Variants in JAZF1 observed in about 807,000 individuals in gnomAD.
JAZF1 encodes the protein juxtaposed with another zinc finger protein 1.
In JAZF1, 8 loss-of-function variants were observed where a neutral mutation model predicts 26.4. The observed-to-expected ratio is 0.30, with a 90% CI of 0.18 to 0.55. The LOEUF (loss-of-function observed/expected upper bound fraction) is 0.55, where lower values mean the gene tolerates loss of function less well. Ranked by LOEUF, JAZF1 falls within the 20% of genes least tolerant of loss-of-function variation. The pLI is 0.94. For synonymous variants in JAZF1, 126 were observed against 122.3 expected (o/e 1.03, Z -0.20); for missense variants, 199 against 322.0 (o/e 0.62, Z 2.92).
chr7:28,178,572 A>T (rs1783582487), intron 1 of JAZF1, among the ~76,000 whole-genome samples: 1 of 152,146 alleles, frequency 6.6e-6, no homozygotes, highest in Non-Finnish European at 1.5e-5. Context: ...TTTACTTATT[A>T]TTGGGAGTAA....
Position 28,106,557 on chromosome 7 carries a change from A to C in JAZF1, c.115+73906T>G, listed in dbSNP as rs79996758. 9.3e-3 allele frequency among the ~76,000 whole-genome samples: 1,411 copies of C among 152,310 alleles called. 18 individuals carry two copies. The highest frequency in any genetic ancestry group is 0.03 in the African/African-American group (1,266 of 41,552). ...GAAACACAGGATCACCTTCTAACAT[A>C]AACATTATAGGCCTTTCTTGCTATG... On this transcript the variant is annotated intron_variant, in intron 1 of 4. Coordinates refer to ENST00000283928, the MANE Select transcript of JAZF1 (RefSeq NM_175061.4).
intron 2 of JAZF1, among the ~76,000 whole-genome samples, chr7:27,902,202 A>G (rs1345849510): frequency 6.6e-6 from 1 of 152,238 alleles, no homozygotes; most frequent in Non-Finnish European, 1.5e-5. Context: ...TGGGGGTATT[A>G]TGTAATATGA....
intron 1 of JAZF1, among the ~76,000 whole-genome samples, chr7:28,060,317 C>T (rs1403113604): frequency 6.6e-6 from 1 of 152,122 alleles, no homozygotes; most frequent in African/African-American, 2.4e-5. Flanking sequence ...GAAGTCTTTG[C>T]AGGTTGATTC....
rs1345823170 is a variant in JAZF1 at position 27,831,505 on chromosome 7, TAAGG to T, written c.*1291_*1294del. 2 of 229,104 alleles carry T rather than the reference TAAGG, an allele frequency of 8.7e-6. No homozygotes were observed. The highest frequency in any genetic ancestry group is 1.2e-4 in the East Asian group (2 of 16,028). 14.2% of individuals were successfully genotyped at this position (229,104 alleles called of 1,614,324 possible). A position where few individuals can be genotyped will look rare whatever the true frequency, so the allele number is the denominator to read the frequency against. Reference sequence around the variant, plus strand: ...ATGGTACTGTCGGTGAGGAAAAACTTAAGGAATGGTCCAGATGTAGATTACTCTA... The same window carrying T: ...ATGGTACTGTCGGTGAGGAAAAACTTAATGGTCCAGATGTAGATTACTCTA... On this transcript the variant is annotated 3_prime_UTR_variant, in exon 5 of 5. Coordinates refer to ENST00000283928, the MANE Select transcript of JAZF1 (RefSeq NM_175061.4).
chr7:28,061,912 T>C (rs1474990070), intron 1 of JAZF1, among the ~76,000 whole-genome samples: 1 of 152,222 alleles, frequency 6.6e-6, no homozygotes, highest in Non-Finnish European at 1.5e-5. Context: ...TCTTTATTTT[T>C]ATATTTAGGT....
chr7:28,100,579 G>C (rs1412526704), intron 1 of JAZF1, among the ~76,000 whole-genome samples: 1 of 152,144 alleles, frequency 6.6e-6, no homozygotes, highest in Non-Finnish European at 1.5e-5. Context: ...AGTCCTGTAA[G>C]TTAAGGCTCT....
At chr7:27,859,490 A>G (rs1418922306) in intron 3 of JAZF1, among the ~76,000 whole-genome samples, 2 of 152,130 alleles carry the variant, frequency 1.3e-5, no homozygotes, top group South Asian at 2.1e-4. Context: ...TCCATCAATG[A>G]TAGATAAAGA....
chr7:27,940,384 G>C (rs1387164424), intron 2 of JAZF1, among the ~76,000 whole-genome samples: 1 of 152,066 alleles, frequency 6.6e-6, no homozygotes, highest in Non-Finnish European at 1.5e-5. Flanking sequence ...CTGTGACCCA[G>C]ACTCACCTCA....
At chr7:28,096,130 G>C (rs1398217127) in intron 1 of JAZF1, among the ~76,000 whole-genome samples, 1 of 152,236 alleles carries the variant, frequency 6.6e-6, no homozygotes, top group African/African-American at 2.4e-5. Flanking sequence ...CTAAAAGGGA[G>C]AGGGATAAGC....
At chr7:27,865,874 G>A (rs112660713) in intron 3 of JAZF1, among the ~76,000 whole-genome samples, 2,568 of 152,264 alleles carry the variant, frequency 0.017, 79 homozygotes, top group African/African-American at 0.06. Flanking sequence ...TTTAGGACAC[G>A]GGGCACATTC....
At chr7:28,073,244 C>T (rs985480878) in intron 1 of JAZF1, among the ~76,000 whole-genome samples, 29 of 152,230 alleles carry the variant, frequency 1.9e-4, no homozygotes, top group Admixed American at 7.8e-4. Flanking sequence ...CTCGTTGTGC[C>T]GGAGCGTGGC....
At chr7:28,134,645 C>T (rs34824357) in intron 1 of JAZF1, among the ~76,000 whole-genome samples, 63,862 of 130,148 alleles carry the variant, frequency 0.49, 14,395 homozygotes, top group Non-Finnish European at 0.53. Flanking sequence ...CAATATTTGT[C>T]TTTTTGAAGA....
At chr7:28,021,621 C>T (rs976944582) in intron 1 of JAZF1, among the ~76,000 whole-genome samples, 1 of 152,208 alleles carries the variant, frequency 6.6e-6, no homozygotes, top group Admixed American at 6.5e-5. Context: ...CAAACAAAGA[C>T]ATGGTGGTGG....
rs1273723419 is a variant in JAZF1 at position 28,119,589 on chromosome 7, A to C, written c.115+60874T>G. Among the ~76,000 whole-genome samples, 8 of 152,116 alleles carry C rather than the reference A, an allele frequency of 5.3e-5. No homozygotes were observed. The South Asian group carries it at 1.7e-3, about 32-fold the overall frequency. ...TGCCCACTTTATGACATAATCTCTTAATTTGCTTCTTTATTCCTCTATTTA... is the reference window on the plus strand; with the variant it reads ...TGCCCACTTTATGACATAATCTCTTCATTTGCTTCTTTATTCCTCTATTTA... On this transcript the variant is annotated intron_variant, in intron 1 of 4. Coordinates refer to ENST00000283928, the MANE Select transcript of JAZF1 (RefSeq NM_175061.4).
intron 3 of JAZF1, among the ~76,000 whole-genome samples, chr7:27,852,122 A>C (rs1486691589): frequency 6.9e-6 from 1 of 145,402 alleles, no homozygotes. Context: ...CTTGCTCAAT[A>C]AACAGGACTT....
At chr7:28,128,005 C>T (rs1289868177) in intron 1 of JAZF1, among the ~76,000 whole-genome samples, 1 of 151,930 alleles carries the variant, frequency 6.6e-6, no homozygotes, top group Non-Finnish European at 1.5e-5. Context: ...TGGGTGGGGA[C>T]GCAGCCAAAC....
At chr7:28,150,171 A>C (rs529579001) in intron 1 of JAZF1, among the ~76,000 whole-genome samples, 2 of 152,308 alleles carry the variant, frequency 1.3e-5, no homozygotes, top group East Asian at 3.9e-4. Context: ...AGGTCCAGAA[A>C]GCTTCGGGGG....
chr7:28,054,868 C>T (rs773847423), intron 1 of JAZF1, among the ~76,000 whole-genome samples: 1 of 151,942 alleles, frequency 6.6e-6, no homozygotes, highest in Non-Finnish European at 1.5e-5. Flanking sequence ...GTAGGATTTA[C>T]CTCATAGACT....
At chr7:27,935,328 TAAACA>T (rs1784749848) in intron 2 of JAZF1, among the ~76,000 whole-genome samples, 1 of 152,188 alleles carries the variant, frequency 6.6e-6, no homozygotes, top group South Asian at 2.1e-4. Flanking sequence ...GAGAAATTAA[TAAACA>T]AAATATGCCA....
Sources: gnomAD v4.1 joint callset for allele counts (sites outside exome capture counted in the v4.1 genomes callset) on GRCh38, gnomAD v4.1.1 for gene constraint, MANE v1.5 for transcripts, NCBI Gene and HGNC (gene_info 2026-07-23, HGNC 2026-07-21) for gene names.